The following MYL10 variants were observed in gnomAD, a reference collection of about 807,000 sequenced individuals.
MYL10 encodes myosin light chain 10, also known as myosin regulatory light chain 10.
MYL10 carries 18 observed loss-of-function variants against 21.9 expected under a neutral mutation model. That is an observed-to-expected ratio of 0.82 (90% confidence interval 0.57 to 1.22). The LOEUF is 1.22. Among genes scored for constraint, MYL10 ranks in the 50% most tolerant of loss-of-function variants. MYL10 has a pLI of 0.00. For missense variants in MYL10, 225 were observed against 230.4 expected (o/e 0.98, Z 0.15); for synonymous variants, 88 against 82.8 (o/e 1.06, Z -0.34).
At chr7:101,614,331 A>AC (rs1355581883) in intron 6 of MYL10, among the ~76,000 whole-genome samples, 1 of 152,118 alleles carries the variant, frequency 6.6e-6, no homozygotes, top group Non-Finnish European at 1.5e-5. Context: ...CTCGCTAAGG[A>AC]CCAATGCACA....
At chr7:101,624,308 G>A (rs768018279) in intron 1 of MYL10, 44 bp from the exon 2 acceptor site, 1 of 1,492,054 alleles carries the variant, frequency 6.7e-7, no homozygotes, top group South Asian at 1.1e-5. Flanking sequence ...CCTGCCTCGA[G>A]GGTCAGCCCC....
intron 6 of MYL10, 148 bp from the exon 7 acceptor site, chr7:101,613,858 C>T (rs893044774): frequency 4.1e-6 from 3 of 729,980 alleles, no homozygotes; most frequent in Non-Finnish European, 7.0e-6. Flanking sequence ...GCCAGCCCCC[C>T]CGATGGCCAA....
chr7:101,616,427 G>T (rs1796610623), intron 5 of MYL10, 129 bp from the exon 6 acceptor site: 2 of 662,714 alleles, frequency 3.0e-6, no homozygotes, highest in East Asian at 2.6e-5. Context: ...CACAGCTCTG[G>T]GGAACTTCTT....
rs911801221 is a variant in MYL10, at chr7:101,625,888, C to T, written c.79-1624G>A. ...CTGGCACACCTGGCTGTGGCCTCGG[C>T]GTCCTCAGTCCCTGCCCCCCACGCC... On this transcript the variant is annotated intron_variant, in intron 1 of 7. Transcript: ENST00000223167. 3.0e-4 allele frequency among the ~76,000 whole-genome samples: 45 copies of T among 152,222 alleles called. 1 individual carries two copies. Among genetic ancestry groups the T allele is most frequent in the Non-Finnish European group, 5.6e-4 (38 of 68,008 alleles).
intron 1 of MYL10, among the ~76,000 whole-genome samples, chr7:101,628,700 C>T (rs993735716): frequency 4.6e-5 from 7 of 152,178 alleles, no homozygotes; most frequent in African/African-American, 7.2e-5. Flanking sequence ...ATCTGGGGCC[C>T]GCCATATCTG....
At chr7:101,627,911 G>A (rs900879777) in intron 1 of MYL10, among the ~76,000 whole-genome samples, 1 of 152,192 alleles carries the variant, frequency 6.6e-6, no homozygotes, top group African/African-American at 2.4e-5. Context: ...CAGTGTGGCC[G>A]GACCTCTGGA....
At chr7:101,615,017 C>G (rs1192250216) in intron 6 of MYL10, among the ~76,000 whole-genome samples, 1 of 152,114 alleles carries the variant, frequency 6.6e-6, no homozygotes, top group African/African-American at 2.4e-5. Context: ...GGAAGGCTGC[C>G]ACTCCCCCGC....
chr7:101,627,159 T>C (rs549710366), intron 1 of MYL10, among the ~76,000 whole-genome samples: 37 of 147,374 alleles, frequency 2.5e-4, no homozygotes, highest in African/African-American at 9.2e-4. Flanking sequence ...AATAGCCATG[T>C]GTGGTGGCGG....
intron 6 of MYL10, among the ~76,000 whole-genome samples, chr7:101,614,209 C>T (rs1357297478): frequency 6.6e-6 from 1 of 152,196 alleles, no homozygotes; most frequent in African/African-American, 2.4e-5. Context: ...CCCCCTCAAG[C>T]TTGGAGGGTC....
At chr7:101,628,873 A>T (rs1298338658) in intron 1 of MYL10, among the ~76,000 whole-genome samples, 168 bp downstream of exon 1, 1 of 152,206 alleles carries the variant, frequency 6.6e-6, no homozygotes, top group African/African-American at 2.4e-5. Flanking sequence ...TAATAAGAAG[A>T]GCAGCTAATA....
chr7:101,619,357 A>G (rs13245671), intron 5 of MYL10, among the ~76,000 whole-genome samples: 27,979 of 152,084 alleles, frequency 0.18, 2,833 homozygotes, highest in Non-Finnish European at 0.22. Flanking sequence ...CACAGCCCCA[A>G]GTTCAAAGCC....
chr7:101,628,553 T>C (rs1194226770), intron 1 of MYL10, among the ~76,000 whole-genome samples: 1 of 152,062 alleles, frequency 6.6e-6, no homozygotes, highest in Non-Finnish European at 1.5e-5. Context: ...CACACATCCA[T>C]CCCCACCAGG....
At chr7:101,627,813 T>C (rs1452387753) in intron 1 of MYL10, among the ~76,000 whole-genome samples, 4 of 152,246 alleles carry the variant, frequency 2.6e-5, no homozygotes, top group Admixed American at 1.3e-4. Flanking sequence ...TGAGGCTGCC[T>C]ACCCCAATGG....
At chr7:101,623,415 C>G (rs1041250604) in intron 3 of MYL10, among the ~76,000 whole-genome samples, 3 of 152,178 alleles carry the variant, frequency 2.0e-5, no homozygotes, top group Admixed American at 6.5e-5. Context: ...ATGTCATTGG[C>G]CAGGCTTGGT....
chr7:101,617,860 C>T (rs1259199450), intron 5 of MYL10, among the ~76,000 whole-genome samples: 2 of 151,904 alleles, frequency 1.3e-5, no homozygotes, highest in African/African-American at 4.8e-5. Flanking sequence ...TGGATCAGGG[C>T]CTTCTGTGCC....
intron 3 of MYL10, 91 bp from the exon 4 acceptor site, chr7:101,623,163 G>A: frequency 8.3e-7 from 1 of 1,209,240 alleles, no homozygotes; most frequent in Non-Finnish European, 1.2e-6. Context: ...TGCTGCCCAA[G>A]GAGCCTCGGG....
chr7:101,620,892 G>A (rs545788987), intron 5 of MYL10, among the ~76,000 whole-genome samples: 5 of 150,972 alleles, frequency 3.3e-5, no homozygotes, highest in East Asian at 2.0e-4. Context: ...AGGTTCAAGC[G>A]ATTCTCCTGC....
chr7:101,613,733 C>T (rs1277394248), intron 6 of MYL10, 23 bp from the exon 7 acceptor site: 2 of 1,613,414 alleles, frequency 1.2e-6, no homozygotes, highest in African/African-American at 2.7e-5. Flanking sequence ...GAGACACAGT[C>T]ATGTTCAGGG....
intron 6 of MYL10, among the ~76,000 whole-genome samples, chr7:101,614,923 C>T: frequency 6.6e-6 from 1 of 152,178 alleles, no homozygotes; most frequent in East Asian, 1.9e-4. Context: ...ATCTCACCTG[C>T]CCCAGGCCAC....
Sources: allele counts gnomAD v4.1 joint callset (sites outside exome capture counted in the v4.1 genomes callset), GRCh38; gene constraint gnomAD v4.1.1; transcripts MANE v1.5; gene names NCBI Gene and HGNC (gene_info 2026-07-23, HGNC 2026-07-21).